ACBD7: variants seen among roughly 807,000 people sequenced by gnomAD.
ACBD7 encodes the protein acyl-CoA binding domain containing 7.
Under a neutral mutation model 13.7 loss-of-function variants are expected in ACBD7, and 11 were observed. The ratio of observed to expected loss-of-function variants is 0.80; its 90% CI spans 0.50 to 1.33. The LOEUF (loss-of-function observed/expected upper bound fraction) is 1.33. Ranked by LOEUF, ACBD7 falls within the 40% of genes most tolerant of loss-of-function variation. The pLI is 0.00. For missense variants in ACBD7, 111 were observed against 103.0 expected (o/e 1.08, Z -0.33); for synonymous variants, 43 against 37.7 (o/e 1.14, Z -0.51).
rs557771577 is a variant in ACBD7 at position 15,075,662 on chromosome 10, C to T, written c.*2868G>A. 2.6e-5 allele frequency among the ~76,000 whole-genome samples: 4 copies of T among 152,082 alleles called. No individual in the cohort carries two copies. Among genetic ancestry groups the T allele is most frequent in the African/African-American group, 4.8e-5 (2 of 41,422 alleles). ...CTGGCAACCACTATTCCATCCTTTG[C>T]GTCTATAAATGTTCCCTTTCAAGAA... On this transcript the variant is annotated 3_prime_UTR_variant, in exon 4 of 4. Transcript: ENST00000356189.
At position 15,078,345 on chromosome 10, in the gene ACBD7, C is replaced by A. The variant is rs960927759; in HGVS notation, c.*185G>T. ...TTCTTAAAAAGAACTTTTAAAGACA[C>A]CTGGTTTAAGCAAGTACAATTGAGT... On this transcript the variant is annotated 3_prime_UTR_variant, in exon 4 of 4. Transcript: ENST00000356189. The A allele has an allele frequency of 6.9e-7, 1 of 1,442,706 alleles. No homozygotes were observed. 89.4% of individuals were successfully genotyped at this position (1,442,706 alleles called of 1,614,324 possible).
At chr10:15,083,775 G>A (rs558672155) in intron 1 of ACBD7, among the ~76,000 whole-genome samples, 5 of 152,310 alleles carry the variant, frequency 3.3e-5, no homozygotes, top group South Asian at 4.1e-4. Context: ...GAGCCACGAT[G>A]CCCGGCCAAG....
chr10:15,088,350 G>C (rs1589262929), intron 1 of ACBD7: 1 of 345,376 alleles, frequency 2.9e-6, no homozygotes, highest in African/African-American at 2.1e-5. Flanking sequence ...GATCTCTTCT[G>C]CTCAGTATGA....
At chr10:15,083,146 C>T (rs1844769376) in intron 1 of ACBD7, among the ~76,000 whole-genome samples, 1 of 152,256 alleles carries the variant, frequency 6.6e-6, no homozygotes, top group Admixed American at 6.5e-5. Flanking sequence ...GGGGTCCCCG[C>T]TCTTTCTCCC....
chr10:15,086,306 C>CA (rs200878752), intron 1 of ACBD7, among the ~76,000 whole-genome samples: 7,514 of 137,984 alleles, frequency 0.054, 277 homozygotes, highest in Middle Eastern at 0.067. Context: ...GACACCATCT[C>CA]AAAAAAAAAA....
chr10:15,086,110 C>T (rs145406395), intron 1 of ACBD7, among the ~76,000 whole-genome samples: 1,727 of 151,960 alleles, frequency 0.011, 32 homozygotes, highest in African/African-American at 0.039. Context: ...GAGTTCAAGA[C>T]CAGCCTGGCC....
Position 15,078,402 on chromosome 10 carries a change from C to A in ACBD7, c.*128G>T, listed in dbSNP as rs1844708384. 6.4e-7 allele frequency: 1 copy of A among 1,565,318 alleles called. No individual in the cohort carries two copies. The highest frequency in any genetic ancestry group is 8.6e-7 in the Non-Finnish European group (1 of 1,160,554). On this transcript the variant is annotated 3_prime_UTR_variant, in exon 4 of 4. Transcript: ENST00000356189. ...TGTAGTTTCAGTATACTTCTAAGTA[C>A]TACAGCTCATGCTAATAGCAAAAAT...
At chr10:15,088,434 G>A (rs1434851612) in intron 1 of ACBD7, 2 of 503,082 alleles carry the variant, frequency 4.0e-6, no homozygotes, top group East Asian at 3.6e-5. Context: ...TCTCGGAGAC[G>A]GAGAGGAGGA....
rs572254214 is a variant in ACBD7, at chr10:15,077,691, G to A, written c.*839C>T. ...AGTTCGAGACCAGCCTGGCCAACATGGCAAAACCCCGTCTCTACTAAAAAT... is the reference window on the plus strand; with the variant it reads ...AGTTCGAGACCAGCCTGGCCAACATAGCAAAACCCCGTCTCTACTAAAAAT... On this transcript the variant is annotated 3_prime_UTR_variant, in exon 4 of 4. Coordinates refer to ENST00000356189, the MANE Select transcript of ACBD7 (RefSeq NM_001039844.3). 1.3e-5 allele frequency: 2 copies of A among 152,294 alleles called. No individual in the cohort carries two copies. The highest frequency in any genetic ancestry group is 4.1e-4 in the South Asian group (2 of 4,822). The allele number at this position is 152,294 out of a possible 1,614,324, so 9.4% of individuals were successfully genotyped here. A position where few individuals can be genotyped will look rare whatever the true frequency, so the allele number is the denominator to read the frequency against.
At chr10:15,082,680 G>A (rs905761509) in intron 1 of ACBD7, among the ~76,000 whole-genome samples, 11 of 152,194 alleles carry the variant, frequency 7.2e-5, no homozygotes, top group Middle Eastern at 3.4e-3. Flanking sequence ...TTATTTTCCA[G>A]TGACAGCAAC....
At chr10:15,080,235 A>G (rs1444504701) in intron 1 of ACBD7, among the ~76,000 whole-genome samples, 1 of 152,198 alleles carries the variant, frequency 6.6e-6, no homozygotes, top group African/African-American at 2.4e-5. Context: ...AAAACTTTGT[A>G]TACCAATATG....
intron 1 of ACBD7, among the ~76,000 whole-genome samples, chr10:15,085,987 T>G (rs1201114954): frequency 1.3e-5 from 2 of 152,182 alleles, no homozygotes; most frequent in Non-Finnish European, 2.9e-5. Context: ...TTTCAATATG[T>G]CAGCCAGTTA....
At chr10:15,086,263 C>T (rs1023368201) in intron 1 of ACBD7, among the ~76,000 whole-genome samples, 1 of 151,564 alleles carries the variant, frequency 6.6e-6, no homozygotes, top group South Asian at 2.1e-4. Flanking sequence ...GTCAAGATCA[C>T]GCCATTGCAC....
rs1844710833 is a variant in ACBD7, at chr10:15,078,600, A to G, written c.197T>C (p.Leu66Ser). ...GGCACTCGTCGCATCTTCCGTCGAC[A>G]ACCCTAGAAAGATACAAACAGGTTA... ...KWEAWNLKKG[L>S]STEDATSAYI... The change falls in exon 4 of 4, where the codon TTG becomes TCG. Residue 66 changes from leucine (L) to serine (S), a missense_variant. By Grantham distance (145) the Leu-to-Ser change is moderately radical (BLOSUM62 -2). Coordinates refer to ENST00000356189, the MANE Select transcript of ACBD7 (RefSeq NM_001039844.3). 1 of 1,614,172 alleles carries G rather than the reference A, an allele frequency of 6.2e-7. No individual in the cohort carries two copies. The highest frequency in any genetic ancestry group is 1.6e-4 in the Middle Eastern group (1 of 6,062).
Position 15,078,690 on chromosome 10 carries a change from C to A in ACBD7, c.193+1G>T. The A allele has an allele frequency of 6.2e-7, 1 of 1,614,034 alleles. No homozygotes were observed. The highest frequency in any genetic ancestry group is 1.1e-5 in the South Asian group (1 of 91,066). ...TTTAAACTTGTGAAAGACTAAAAAA[C>A]CTTTTTTGAGGTTCCATGCTTCCCA... On this transcript the variant is annotated splice_donor_variant, in intron 3 of 3. Coordinates refer to ENST00000356189, the MANE Select transcript of ACBD7 (RefSeq NM_001039844.3). LOFTEE classifies it high-confidence loss of function.
chr10:15,080,417 T>C (rs1050271374), intron 1 of ACBD7, among the ~76,000 whole-genome samples: 2 of 151,710 alleles, frequency 1.3e-5, no homozygotes, highest in Admixed American at 1.3e-4. Context: ...CTGTCTCTAC[T>C]AAAAATACAA....
rs1057164953 is a variant in ACBD7, at chr10:15,076,292, G to A, written c.*2238C>T. The A allele has an allele frequency of 9.1e-6, 9 of 985,166 alleles. No individual in the cohort carries two copies. In the African/African-American group the frequency reaches 1.2e-4, roughly 13 times the overall value. The allele number at this position is 985,166 out of a possible 1,614,324, so 61.0% of individuals were successfully genotyped here. A position where few individuals can be genotyped will look rare whatever the true frequency, so the allele number is the denominator to read the frequency against. On this transcript the variant is annotated 3_prime_UTR_variant, in exon 4 of 4. Transcript: ENST00000356189. ...AAAGAGCCTGTGTACCATCCAGAAA[G>A]ACTGAGTAGGGGGCCAATATTATAT...
In ACBD7 at chr10:15,075,622, C is replaced by T. The variant is rs980284761; in HGVS notation, c.*2908G>A. The stretch of plus-strand genomic sequence containing the variant: ...TCCTGCTGCCCTTTTAAAGCCACAC[C>T]CACCTCCCTCCTCCCTGGCAACCAC... On this transcript the variant is annotated 3_prime_UTR_variant, in exon 4 of 4. Transcript: ENST00000356189. 6.6e-6 allele frequency among the ~76,000 whole-genome samples: 1 copy of T among 152,084 alleles called. No individual in the cohort carries two copies. The highest frequency in any genetic ancestry group is 1.5e-5 in the Non-Finnish European group (1 of 68,026).
intron 1 of ACBD7, among the ~76,000 whole-genome samples, chr10:15,079,857 G>A (rs1043213780): frequency 2.0e-5 from 3 of 150,280 alleles, no homozygotes; most frequent in African/African-American, 7.3e-5. Flanking sequence ...GATTACAGGT[G>A]TGAGCCACCG....
Sources: gnomAD v4.1 joint callset for allele counts (sites outside exome capture counted in the v4.1 genomes callset) on GRCh38, gnomAD v4.1.1 for gene constraint, MANE v1.5 for transcripts, NCBI Gene and HGNC (gene_info 2026-07-23, HGNC 2026-07-21) for gene names.